The following PCF11 variants were observed in gnomAD, a reference collection of about 807,000 sequenced individuals.
PCF11 encodes the protein pre-mRNA cleavage complex 2 protein Pcf11.
PCF11 carries 19 observed loss-of-function variants against 166.1 expected under a neutral mutation model. The ratio of observed to expected loss-of-function variants is 0.11; its 90% CI spans 0.08 to 0.17. PCF11 has a LOEUF of 0.17. PCF11 is among the 10% of genes least tolerant of loss of function. The pLI is 1.00. For missense variants in PCF11, 1,565 were observed against 1,855.5 expected (o/e 0.84, Z 2.88); for synonymous variants, 663 against 644.1 (o/e 1.03, Z -0.44).
At chr11:83,184,718 C>T (rs1423822658) in exon 16 of PCF11, 1 of 1,612,682 alleles carries the variant, frequency 6.2e-7, no homozygotes, top group South Asian at 1.1e-5. Context: ...CAGCAAGACA[C>T]CAGTTGAAAA....
At chr11:83,178,738 G>A (rs866982008) in intron 11 of PCF11, among the ~76,000 whole-genome samples, 2 of 151,866 alleles carry the variant, frequency 1.3e-5, no homozygotes, top group Admixed American at 6.6e-5. Flanking sequence ...GTGTGAACCC[G>A]GGAGGCGGAG....
intron 2 of PCF11, among the ~76,000 whole-genome samples, chr11:83,163,426 A>T (rs553598385): frequency 1.3e-5 from 2 of 152,146 alleles, no homozygotes; most frequent in Admixed American, 1.3e-4. Flanking sequence ...CTAAGCTCTA[A>T]GATGTGGAAA....
At chr11:83,169,853 C>G in exon 8 of PCF11, 1 of 1,613,580 alleles carries the variant, frequency 6.2e-7, no homozygotes, top group Admixed American at 1.7e-5. Context: ...CCACATGGCC[C>G]TGGAAACCAG....
At chr11:83,179,738 T>C (rs1390042385) in intron 11 of PCF11, among the ~76,000 whole-genome samples, 1 of 151,862 alleles carries the variant, frequency 6.6e-6, no homozygotes, top group Non-Finnish European at 1.5e-5. Context: ...ATGTCTCTAC[T>C]AGAACCTGTC....
chr11:83,162,275 G>T (rs572273241), intron 2 of PCF11, among the ~76,000 whole-genome samples: 1 of 152,314 alleles, frequency 6.6e-6, no homozygotes, highest in South Asian at 2.1e-4. Context: ...TATTTTAGTA[G>T]ATGAACACCT....
intron 1 of PCF11, among the ~76,000 whole-genome samples, chr11:83,160,330 T>G (rs1860190441): frequency 6.9e-6 from 1 of 145,916 alleles, no homozygotes; most frequent in African/African-American, 2.6e-5. Flanking sequence ...AGTTTTTTTT[T>G]TTTTTTTTTT....
At chr11:83,184,505 T>C (rs1590942733) in intron 15 of PCF11, 174 bp from the exon 16 acceptor site, 2 of 595,552 alleles carry the variant, frequency 3.4e-6, no homozygotes, top group South Asian at 4.1e-5. Context: ...ACGTGCAATA[T>C]ATATTTTATT....
chr11:83,174,751 T>C (rs1322569236), intron 9 of PCF11, among the ~76,000 whole-genome samples: 1 of 152,228 alleles, frequency 6.6e-6, no homozygotes, highest in Non-Finnish European at 1.5e-5. Flanking sequence ...TTAAAATCCC[T>C]GGAGTCTGGT....
Position 83,167,997 on chromosome 11 carries a change from T to G in PCF11, c.2093-431T>G. On this transcript the variant is annotated intron_variant, in intron 7 of 15. Transcript: ENST00000298281. This position sits in a 1 kb window ranked among gnomAD's most constrained non-coding sequence, Gnocchi z 4.2. Reference sequence around the variant, plus strand: ...GATGGATTTTTGTGACTGTTCAGATTACCATTTTTTTTCCCATTTATTTTG... The same window carrying G: ...GATGGATTTTTGTGACTGTTCAGATGACCATTTTTTTTCCCATTTATTTTG... 1 of 929,486 alleles carries G rather than the reference T, an allele frequency of 1.1e-6. No individual in the cohort carries two copies. Among genetic ancestry groups the G allele is most frequent in the Non-Finnish European group, 1.4e-6 (1 of 703,034 alleles). 57.6% of individuals were successfully genotyped at this position (929,486 alleles called of 1,614,324 possible).
chr11:83,163,586 A>G lies in PCF11; in HGVS notation c.319-93A>G, dbSNP rs200592623. The G allele has an allele frequency of 2.7e-4, 117 of 439,244 alleles. 2 individuals carry two copies. In the East Asian group the frequency reaches 4.1e-3, roughly 16 times the overall value. 27.2% of individuals were successfully genotyped at this position (439,244 alleles called of 1,614,324 possible). A position where few individuals can be genotyped will look rare whatever the true frequency, so the allele number is the denominator to read the frequency against. ...TTACCAATGGGTAGTACAGTTCTGTATGTGAAGTAGAGCAGATTTATATAA... is the reference window on the plus strand; with the variant it reads ...TTACCAATGGGTAGTACAGTTCTGTGTGTGAAGTAGAGCAGATTTATATAA... On this transcript the variant is annotated intron_variant, in intron 2 of 15. Coordinates refer to ENST00000298281, the Ensembl canonical transcript of PCF11.
At chr11:83,172,636 G>A (rs1393087009) in intron 9 of PCF11, among the ~76,000 whole-genome samples, 4 of 152,056 alleles carry the variant, frequency 2.6e-5, no homozygotes, top group Non-Finnish European at 4.4e-5. Flanking sequence ...GGCTGGTCTC[G>A]AGCTCCTGAC....
At position 83,167,761 on chromosome 11, in the gene PCF11, G is replaced by A. The variant is rs1427435179; in HGVS notation, c.2092+256G>A. ...AGTAAACATGCAAGTAGGAATAGTG[G>A]AGCACAGTTTGACAGAAAAGAACAA... On this transcript the variant is annotated intron_variant, in intron 7 of 15. Coordinates refer to ENST00000298281, the Ensembl canonical transcript of PCF11. This position sits in a 1 kb window ranked among gnomAD's most constrained non-coding sequence, Gnocchi z 4.2. 12 of 1,437,546 alleles carry A rather than the reference G, an allele frequency of 8.3e-6. No individual in the cohort carries two copies. Among genetic ancestry groups the A allele is most frequent in the Non-Finnish European group, 1.0e-5 (11 of 1,085,546 alleles). 89.0% of individuals were successfully genotyped at this position (1,437,546 alleles called of 1,614,324 possible).
intron 9 of PCF11, among the ~76,000 whole-genome samples, chr11:83,172,850 A>G (rs1275774928): frequency 1.3e-5 from 2 of 152,230 alleles, no homozygotes; most frequent in East Asian, 3.8e-4. Flanking sequence ...AGTTTACAAT[A>G]AATTTATGGA....
At chr11:83,169,779 A>G (rs1464932724) in exon 8 of PCF11, 1 of 1,613,866 alleles carries the variant, frequency 6.2e-7, no homozygotes, top group Non-Finnish European at 8.5e-7. Context: ...CCCCATCCCA[A>G]GGACTACAGT....
chr11:83,168,933 G>C, exon 8 of PCF11: 1 of 1,613,730 alleles, frequency 6.2e-7, no homozygotes, highest in South Asian at 1.1e-5. Context: ...TGAGATTTGA[G>C]GGACCAGGAG....
chr11:83,167,380 A>G lies in PCF11; in HGVS notation c.2002-35A>G, dbSNP rs1314637736. On this transcript the variant is annotated intron_variant, in intron 6 of 15. Coordinates refer to ENST00000298281, the Ensembl canonical transcript of PCF11. The surrounding 1 kb of genome is among the most constrained non-coding windows in gnomAD (Gnocchi z 4.2). ...ATTTTTTTGGTATTTTTTTATATTT[A>G]AAATATTTTATTTCCTTTTATCACC... 3 of 1,519,732 alleles carry G rather than the reference A, an allele frequency of 2.0e-6. No individual in the cohort carries two copies. Among genetic ancestry groups the G allele is most frequent in the African/African-American group, 1.4e-5 (1 of 70,508 alleles). The allele number at this position is 1,519,732 out of a possible 1,614,324, so 94.1% of individuals were successfully genotyped here. A position where few individuals can be genotyped will look rare whatever the true frequency, so the allele number is the denominator to read the frequency against.
intron 2 of PCF11, 63 bp from the exon 3 acceptor site, chr11:83,163,616 T>C: frequency 5.5e-6 from 3 of 546,406 alleles, no homozygotes; most frequent in East Asian, 3.4e-5. Flanking sequence ...ATATAACTTA[T>C]ATTTAATATA....
chr11:83,171,996 A>G, intron 9 of PCF11, 82 bp downstream of exon 9: 1 of 746,264 alleles, frequency 1.3e-6, no homozygotes, highest in South Asian at 1.5e-5. Context: ...ATTTTAGGAA[A>G]TGACAGTTTT....
chr11:83,157,718 A>G lies in PCF11; in HGVS notation c.192+87A>G. 5 of 1,219,278 alleles carry G rather than the reference A, an allele frequency of 4.1e-6. No homozygotes were observed. The Admixed American group carries it at 7.0e-5, about 17-fold the overall frequency. 75.5% of individuals were successfully genotyped at this position (1,219,278 alleles called of 1,614,324 possible). A position where few individuals can be genotyped will look rare whatever the true frequency, so the allele number is the denominator to read the frequency against. On this transcript the variant is annotated intron_variant, in intron 1 of 15. Transcript: ENST00000298281. ...CATCCCAGGTCTCGCTTCCATCCCA[A>G]GGGGGACAGTGTTCCTTCTCTCCAA...
Sources: gnomAD v4.1 joint callset for allele counts (sites outside exome capture counted in the v4.1 genomes callset) on GRCh38, gnomAD v4.1.1 for gene constraint, Gnocchi (gnomAD v3.1) non-coding constraint, MANE v1.5 for transcripts, NCBI Gene and HGNC (gene_info 2026-07-23, HGNC 2026-07-21) for gene names.